The following SMAD4 variants were observed in gnomAD, a reference collection of about 807,000 sequenced individuals.
SMAD4 encodes the protein SMAD family member 4.
A neutral mutation model predicts 63.2 loss-of-function variants in SMAD4; 7 were observed. That is an observed-to-expected ratio of 0.11 (90% CI 0.06 to 0.21). The LOEUF (loss-of-function observed/expected upper bound fraction) is 0.21, where lower values mean the gene tolerates loss of function less well. SMAD4 is among the 10% of genes least tolerant of loss of function. The pLI is 1.00. For synonymous variants in SMAD4, 215 were observed against 235.4 expected (o/e 0.91, Z 0.79); for missense variants, 312 against 693.8 (o/e 0.45, Z 6.18).
chr18:51,056,963 C>T (rs1192058708), intron 5 of SMAD4, among the ~76,000 whole-genome samples: 1 of 152,036 alleles, frequency 6.6e-6, no homozygotes, highest in Admixed American at 6.5e-5. Context: ...AAAATATGAA[C>T]AAAACCATAA....
intron 8 of SMAD4, among the ~76,000 whole-genome samples, chr18:51,064,435 C>G (rs998370640): frequency 6.6e-6 from 1 of 152,114 alleles, no homozygotes; most frequent in Non-Finnish European, 1.5e-5. Context: ...TTTGTCTGCC[C>G]CTGCACCTCT....
chr18:51,061,349 A>G (rs565079102), intron 8 of SMAD4, among the ~76,000 whole-genome samples: 9 of 152,152 alleles, frequency 5.9e-5, no homozygotes, highest in South Asian at 2.1e-4. Flanking sequence ...CCTTCCCCCA[A>G]TCCCCCACTA....
intron 5 of SMAD4, among the ~76,000 whole-genome samples, chr18:51,055,781 G>A (rs1279956240): frequency 3.3e-5 from 5 of 151,832 alleles, no homozygotes. Context: ...AGTTGCTAAA[G>A]GAATTTATGT....
chr18:51,075,900 T>A (rs917763717), intron 10 of SMAD4, among the ~76,000 whole-genome samples: 1 of 152,288 alleles, frequency 6.6e-6, no homozygotes, highest in African/African-American at 2.4e-5. Context: ...ATTTTATAGA[T>A]AAAAGAAACT....
chr18:51,045,251 T>C (rs983106795), intron 1 of SMAD4, among the ~76,000 whole-genome samples: 10 of 152,212 alleles, frequency 6.6e-5, no homozygotes, highest in Admixed American at 6.5e-4. Context: ...TTAACAAAGG[T>C]CTTCAGAAGA....
intron 1 of SMAD4, among the ~76,000 whole-genome samples, chr18:51,042,035 T>G (rs1458630637): frequency 1.3e-5 from 2 of 152,222 alleles, no homozygotes; most frequent in African/African-American, 4.8e-5. Context: ...TTAGTAGTTC[T>G]CAGTGGAGTA....
intron 1 of SMAD4, among the ~76,000 whole-genome samples, chr18:51,032,016 A>C (rs1050110288): frequency 2.6e-5 from 4 of 152,234 alleles, no homozygotes; most frequent in African/African-American, 7.2e-5. Context: ...TGTTTCTTCC[A>C]TAATGCTGTC....
At chr18:51,040,446 C>T (rs1431501403) in intron 1 of SMAD4, among the ~76,000 whole-genome samples, 1 of 151,902 alleles carries the variant, frequency 6.6e-6, no homozygotes, top group African/African-American at 2.4e-5. Context: ...ATTTTAAGCA[C>T]TTTTCTCAAA....
rs1397172791 is a variant in SMAD4 at position 51,058,129 on chromosome 18, G to A, written c.672G>A (p.Gln224=). The change falls in exon 6 of 12, where the codon CAG becomes CAA. Residue 224 remains glutamine (Q), a synonymous_variant. Transcript: ENST00000342988. ...AATGTCTTCTTGTTCCTCTAGGTCA[G>A]CCTGCCAGTATACTGGGGGGCAGCC... ...FPNIPVASTS[Q]PASILGGSHS... is the part of the protein sequence containing the mutation. The A allele has an allele frequency of 6.2e-7, 1 of 1,614,018 alleles. No homozygotes were observed. Among genetic ancestry groups the A allele is most frequent in the Non-Finnish European group, 8.5e-7 (1 of 1,180,012 alleles).
intron 10 of SMAD4, among the ~76,000 whole-genome samples, chr18:51,070,995 C>A (rs1046928038): frequency 2.0e-5 from 3 of 152,138 alleles, no homozygotes; most frequent in African/African-American, 7.2e-5. Flanking sequence ...TAGGAAAAAA[C>A]ATAGTATATG....
intron 11 of SMAD4, among the ~76,000 whole-genome samples, chr18:51,077,712 C>G (rs1288634694): frequency 6.6e-6 from 1 of 152,054 alleles, no homozygotes; most frequent in East Asian, 1.9e-4. Context: ...ACTGAAGAAT[C>G]CAGAACTATT....
intron 5 of SMAD4, among the ~76,000 whole-genome samples, 184 bp from the exon 6 acceptor site, chr18:51,057,941 C>T (rs144611121): frequency 6.6e-6 from 1 of 152,200 alleles, no homozygotes; most frequent in Non-Finnish European, 1.5e-5. Flanking sequence ...TGAGCTTCCT[C>T]AAGTTAAAGT....
intron 8 of SMAD4, among the ~76,000 whole-genome samples, chr18:51,063,386 A>G (rs1355848444): frequency 6.6e-6 from 1 of 152,000 alleles, no homozygotes; most frequent in East Asian, 1.9e-4. Flanking sequence ...ATACCTTCAC[A>G]TTACATTTTC....
At chr18:51,068,441 T>C (rs1910223163) in intron 10 of SMAD4, among the ~76,000 whole-genome samples, 1 of 152,196 alleles carries the variant, frequency 6.6e-6, no homozygotes, top group South Asian at 2.1e-4. Flanking sequence ...CTCACAAATC[T>C]ATACAGACTT....
At chr18:51,046,581 C>T (rs902802112) in intron 1 of SMAD4, among the ~76,000 whole-genome samples, 7 of 151,692 alleles carry the variant, frequency 4.6e-5, no homozygotes, top group Admixed American at 3.3e-4. Flanking sequence ...CATAAGTAAT[C>T]CTTTAAAAAA....
chr18:51,052,128 T>A (rs1909728931), intron 4 of SMAD4, among the ~76,000 whole-genome samples: 1 of 152,144 alleles, frequency 6.6e-6, no homozygotes, highest in Non-Finnish European at 1.5e-5. Context: ...GAACATTTTA[T>A]AATCACTATA....
intron 1 of SMAD4, among the ~76,000 whole-genome samples, chr18:51,040,149 C>T (rs777332730): frequency 9.9e-5 from 15 of 152,058 alleles, no homozygotes; most frequent in Admixed American, 2.0e-4. Context: ...ACTTTTGCGC[C>T]GGGCATGGTG....
At chr18:51,065,972 TAA>T (rs1910139010) in intron 9 of SMAD4, among the ~76,000 whole-genome samples, 1 of 152,166 alleles carries the variant, frequency 6.6e-6, no homozygotes, top group South Asian at 2.1e-4. Context: ...CTTATAATGT[TAA>T]AAAAATTGGT....
chr18:51,063,498 G>C (rs1055734500), intron 8 of SMAD4, among the ~76,000 whole-genome samples: 1 of 152,020 alleles, frequency 6.6e-6, no homozygotes, highest in South Asian at 2.1e-4. Flanking sequence ...CTGCAGCCCT[G>C]ACCTCCCAGA....
Sources: allele counts gnomAD v4.1 joint callset (sites outside exome capture counted in the v4.1 genomes callset), GRCh38; gene constraint gnomAD v4.1.1; transcripts MANE v1.5; gene names NCBI Gene and HGNC (gene_info 2026-07-23, HGNC 2026-07-21).